The following LRRC23 variants were observed in gnomAD, a reference collection of about 807,000 sequenced individuals.
The protein encoded by LRRC23 is leucine rich repeat containing 23.
Under a neutral mutation model 37.7 loss-of-function variants are expected in LRRC23, and 28 were observed. That is an observed-to-expected ratio of 0.74 (90% CI 0.55 to 1.02). The LOEUF is 1.02. Ranked by LOEUF, LRRC23 falls within the 50% of genes least tolerant of loss-of-function variation. LRRC23 has a pLI of 0.00. For synonymous variants in LRRC23, 161 were observed against 165.4 expected (o/e 0.97, Z 0.20); for missense variants, 377 against 413.2 (o/e 0.91, Z 0.76).
intron 5 of LRRC23, among the ~76,000 whole-genome samples, chr12:6,909,133 A>G (rs1238568173): frequency 4.5e-5 from 1 of 22,394 alleles, no homozygotes; most frequent in Non-Finnish European, 5.9e-5. Flanking sequence ...TATAATATAT[A>G]ATTATATATT....
chr12:6,908,596 CAAA>C (rs61662814), intron 5 of LRRC23, among the ~76,000 whole-genome samples: 16 of 31,088 alleles, frequency 5.1e-4, no homozygotes, highest in African/African-American at 1.3e-3. Context: ...GACTCCATCT[CAAA>C]AAAAAAAAAA....
At chr12:6,910,693 G>C (rs1363799688) in intron 6 of LRRC23, among the ~76,000 whole-genome samples, 2 of 152,044 alleles carry the variant, frequency 1.3e-5, no homozygotes, top group African/African-American at 4.8e-5. Flanking sequence ...GGGTGACAGA[G>C]CCAGACCCTG....
intron 7 of LRRC23, among the ~76,000 whole-genome samples, chr12:6,913,555 GTTTTTTTTTTT>G (rs869177982): frequency 5.2e-5 from 4 of 76,392 alleles, no homozygotes; most frequent in Admixed American, 1.7e-4. Flanking sequence ...ACCTCTGTTT[GTTTTTTTTTTT>G]TTTTTTTTTT....
intron 5 of LRRC23, among the ~76,000 whole-genome samples, chr12:6,909,180 AATTATAT>A (rs1945060755): frequency 5.1e-5 from 1 of 19,426 alleles, no homozygotes; most frequent in Non-Finnish European, 6.8e-5. Context: ...TATAATATAT[AATTATAT>A]ATTATATATA....
chr12:6,914,084 C>A lies in LRRC23; in HGVS notation c.*218C>A. 1 of 1,542,988 alleles carries A rather than the reference C, an allele frequency of 6.5e-7. No homozygotes were observed. The highest frequency in any genetic ancestry group is 1.3e-5 in the South Asian group (1 of 79,728). ...ATGGGGTGCCTAGGCCTGAGCGTTGCCTGGAGCCTAGGCCGGGGGCCGCCC... is the reference window on the plus strand; with the variant it reads ...ATGGGGTGCCTAGGCCTGAGCGTTGACTGGAGCCTAGGCCGGGGGCCGCCC... On this transcript the variant is annotated 3_prime_UTR_variant, in exon 8 of 8. Coordinates refer to ENST00000443597, the MANE Select transcript of LRRC23 (RefSeq NM_001135217.2). This position sits in a 1 kb window ranked among gnomAD's most constrained non-coding sequence, Gnocchi z 7.1.
intron 5 of LRRC23, chr12:6,907,699 T>C: frequency 1.7e-6 from 1 of 598,188 alleles, no homozygotes. Flanking sequence ...ATAATTGAGG[T>C]ACAAACATCA....
At chr12:6,913,843 G>C in intron 7 of LRRC23, 48 bp from the exon 8 acceptor site, 2 of 1,429,210 alleles carry the variant, frequency 1.4e-6, no homozygotes, top group Non-Finnish European at 1.9e-6. Context: ...GATTACAGGG[G>C]TGAGCCACAG....
Position 6,909,940 on chromosome 12 carries a change from C to T in LRRC23, c.672C>T (p.Leu224=). 1 of 1,613,924 alleles carries T rather than the reference C, an allele frequency of 6.2e-7. No individual in the cohort carries two copies. The highest frequency in any genetic ancestry group is 8.5e-7 in the Non-Finnish European group (1 of 1,179,916). The change falls in exon 6 of 8, where the codon CTC becomes CTT. Residue 224 remains leucine (L), a synonymous_variant. Transcript: ENST00000443597. ...KVEGLEDLSN[L]TTLHLRDNQI... ...AAGGCTTGGAGGATCTGAGCAATCT[C>T]ACCACCTTGCATCTTCGAGACAACC...
intron 6 of LRRC23, 120 bp from the exon 7 acceptor site, chr12:6,912,610 A>G (rs1385230356): frequency 2.3e-6 from 2 of 884,956 alleles, no homozygotes; most frequent in Non-Finnish European, 3.6e-6. Context: ...TTGGCAGGCC[A>G]GTCCTCACAG....
intron 5 of LRRC23, among the ~76,000 whole-genome samples, chr12:6,908,596 CAAAAAAAAAA>C (rs61662814): frequency 3.2e-5 from 1 of 31,074 alleles, no homozygotes; most frequent in Non-Finnish European, 6.4e-5. Flanking sequence ...GACTCCATCT[CAAAAAAAAAA>C]AAAAAAAAAA....
At chr12:6,913,555 G>GTTT (rs869177982) in intron 7 of LRRC23, among the ~76,000 whole-genome samples, 798 of 76,346 alleles carry the variant, frequency 0.01, 175 homozygotes, top group Non-Finnish European at 0.014. Context: ...ACCTCTGTTT[G>GTTT]TTTTTTTTTT....
At chr12:6,908,606 A>AAAAC (rs1555140031) in intron 5 of LRRC23, among the ~76,000 whole-genome samples, 2 of 120,350 alleles carry the variant, frequency 1.7e-5, no homozygotes, top group East Asian at 4.4e-4. Flanking sequence ...CAAAAAAAAA[A>AAAAC]AAAAAAAAAA....
At chr12:6,908,588 C>T (rs1945006340) in intron 5 of LRRC23, among the ~76,000 whole-genome samples, 1 of 96,304 alleles carries the variant, frequency 1.0e-5, no homozygotes, top group African/African-American at 5.4e-5. Flanking sequence ...CAGAGCAAGA[C>T]TCCATCTCAA....
At chr12:6,906,308 T>C (rs1217995394) in intron 3 of LRRC23, 101 bp from the exon 4 acceptor site, 1 of 1,158,562 alleles carries the variant, frequency 8.6e-7, no homozygotes, top group Non-Finnish European at 1.2e-6. Context: ...TTCTCCCCAT[T>C]ATAAGCCATC....
At chr12:6,913,136 G>A (rs1293068301) in intron 7 of LRRC23, 109 bp downstream of exon 7, 5 of 1,131,056 alleles carry the variant, frequency 4.4e-6, no homozygotes, top group Admixed American at 2.2e-5. Context: ...GAAAGCATCA[G>A]ACAAGCAGGA....
At chr12:6,907,515 T>G in intron 5 of LRRC23, 70 bp downstream of exon 5, 1 of 1,476,200 alleles carries the variant, frequency 6.8e-7, no homozygotes, top group Non-Finnish European at 9.5e-7. Context: ...GCCTGCTTTC[T>G]AGTAGGCTCA....
At chr12:6,906,809 C>A in intron 4 of LRRC23, 147 bp downstream of exon 4, 2 of 881,912 alleles carry the variant, frequency 2.3e-6, no homozygotes, top group East Asian at 2.4e-5. Flanking sequence ...TATGACAGTT[C>A]TACATGCTAA....
At chr12:6,909,495 T>TA (rs1334663938) in intron 5 of LRRC23, among the ~76,000 whole-genome samples, 2 of 103,148 alleles carry the variant, frequency 1.9e-5, no homozygotes, top group African/African-American at 7.9e-5. Flanking sequence ...TATAATATAT[T>TA]ATATATTATA....
At chr12:6,905,994 AG>A (rs1565551529) in intron 3 of LRRC23, 40 bp downstream of exon 3, 2 of 1,527,020 alleles carry the variant, frequency 1.3e-6, no homozygotes, top group African/African-American at 2.7e-5. Context: ...GTGAGACTGT[AG>A]GGCCCCTATC....
Sources: allele counts gnomAD v4.1 joint callset (sites outside exome capture counted in the v4.1 genomes callset), GRCh38; gene constraint gnomAD v4.1.1; non-coding constraint Gnocchi (gnomAD v3.1); transcripts MANE v1.5; gene names NCBI Gene and HGNC (gene_info 2026-07-23, HGNC 2026-07-21).